LRRTM3: variants seen among roughly 807,000 people sequenced by gnomAD.
LRRTM3 encodes leucine-rich repeat transmembrane neuronal protein 3.
LRRTM3 carries 24 observed loss-of-function variants against 44.7 expected under a neutral mutation model. That is an observed-to-expected ratio of 0.54 (90% confidence interval 0.39 to 0.76). LRRTM3 has a LOEUF of 0.76. Ranked by LOEUF, LRRTM3 falls within the 30% of genes least tolerant of loss-of-function variation. The pLI is 0.00. For missense variants in LRRTM3, 587 were observed against 702.2 expected, an observed-to-expected ratio of 0.84 and a Z score of 1.85; for synonymous variants, 277 against 278.7, an observed-to-expected ratio of 0.99 and a Z score of 0.06.
At chr10:66,981,444 A>C (rs1368235204) in intron 2 of LRRTM3, among the ~76,000 whole-genome samples, 1 of 152,118 alleles carries the variant, frequency 6.6e-6, no homozygotes, top group Admixed American at 6.6e-5. Flanking sequence ...CATATGACTT[A>C]CCCATCCCCA....
intron 2 of LRRTM3, among the ~76,000 whole-genome samples, chr10:66,960,073 A>AT (rs942779611): frequency 2.6e-5 from 4 of 151,540 alleles, no homozygotes; most frequent in Non-Finnish European, 2.9e-5. Context: ...GCTATTTGAA[A>AT]TTTTTTTTTC....
intron 2 of LRRTM3, among the ~76,000 whole-genome samples, chr10:67,069,095 A>G (rs886456673): frequency 1.3e-5 from 2 of 152,028 alleles, no homozygotes; most frequent in African/African-American, 4.8e-5. Flanking sequence ...AAACAGAAAA[A>G]GAAAAAGAAG....
intron 2 of LRRTM3, among the ~76,000 whole-genome samples, chr10:67,030,528 G>A (rs1289746237): frequency 6.6e-6 from 1 of 151,662 alleles, no homozygotes; most frequent in Non-Finnish European, 1.5e-5. Context: ...ATACTGAAGT[G>A]CCCCAAAGGA....
chr10:66,932,099 C>T (rs1564775843), intron 2 of LRRTM3, among the ~76,000 whole-genome samples: 1 of 152,132 alleles, frequency 6.6e-6, no homozygotes, highest in South Asian at 2.1e-4. Flanking sequence ...TGCCTCAGCG[C>T]TTTCTCCCTC....
chr10:67,024,704 G>C (rs1003617595), intron 2 of LRRTM3, among the ~76,000 whole-genome samples: 8 of 152,142 alleles, frequency 5.3e-5, no homozygotes, highest in African/African-American at 7.2e-5. Flanking sequence ...TTAATGCTCA[G>C]ATATTGGTAA....
intron 2 of LRRTM3, among the ~76,000 whole-genome samples, chr10:67,026,872 T>A (rs892319157): frequency 6.6e-6 from 1 of 152,332 alleles, no homozygotes; most frequent in East Asian, 1.9e-4. Context: ...TTTCCTCATA[T>A]ATCTCCTTAA....
chr10:66,952,820 T>C (rs1228291950), intron 2 of LRRTM3, among the ~76,000 whole-genome samples: 1 of 151,942 alleles, frequency 6.6e-6, no homozygotes, highest in Non-Finnish European at 1.5e-5. Flanking sequence ...GCTTGTAATT[T>C]ATTATATAAT....
intron 2 of LRRTM3, among the ~76,000 whole-genome samples, chr10:66,969,582 C>G (rs936990119): frequency 6.6e-6 from 1 of 152,094 alleles, no homozygotes; most frequent in East Asian, 1.9e-4. Flanking sequence ...CATAACACCA[C>G]ACTGTTTTCA....
chr10:67,005,416 T>C (rs146358432), intron 2 of LRRTM3, among the ~76,000 whole-genome samples: 244 of 152,234 alleles, frequency 1.6e-3, no homozygotes, highest in African/African-American at 5.6e-3. Context: ...TTTCCTTCAT[T>C]GTATTTCCTA....
At chr10:66,939,044 C>A (rs540890609) in intron 2 of LRRTM3, among the ~76,000 whole-genome samples, 4 of 152,232 alleles carry the variant, frequency 2.6e-5, no homozygotes, top group African/African-American at 9.6e-5. Flanking sequence ...TCCTCTCTTA[C>A]CCACACCAAG....
At chr10:66,964,941 G>A (rs1747518175) in intron 2 of LRRTM3, among the ~76,000 whole-genome samples, 1 of 152,078 alleles carries the variant, frequency 6.6e-6, no homozygotes. Context: ...GTTACATTTT[G>A]GAATAATAGA....
At chr10:67,045,837 C>G (rs1270874108) in intron 2 of LRRTM3, among the ~76,000 whole-genome samples, 1 of 152,164 alleles carries the variant, frequency 6.6e-6, no homozygotes, top group African/African-American at 2.4e-5. Context: ...GTGAAGCCTT[C>G]CTGACTCCTA....
At position 67,097,744 on chromosome 10, in the gene LRRTM3, G is replaced by A. The variant is rs768125734; in HGVS notation, c.1694G>A (p.Ser565Asn). 3 of 1,612,444 alleles carry A rather than the reference G, an allele frequency of 1.9e-6. No homozygotes were observed. The highest frequency in any genetic ancestry group is 2.7e-5 in the African/African-American group (2 of 74,760). Reference sequence around the variant, plus strand: ...CACCTAGAGACTGAGCTGGACCTGAGCACAATCACAACAGCTGGCCGAATC... The same window carrying A: ...CACCTAGAGACTGAGCTGGACCTGAACACAATCACAACAGCTGGCCGAATC... Reference protein sequence around the residue: ...ETHLETELDLSTITTAGRISD... With the variant: ...ETHLETELDLNTITTAGRISD... The change falls in exon 3 of 3, where the codon AGC (serine) becomes AAC (asparagine). Residue 565 changes from serine to asparagine, a missense_variant. By Grantham distance (46) the Ser-to-Asn change is conservative. Around this residue, in one of 3 missense-constraint regions of LRRTM3, gnomAD observed 315 missense variants for 335.6 expected, o/e 0.94. Transcript: ENST00000361320.
chr10:66,983,996 C>A (rs951240950), intron 2 of LRRTM3, among the ~76,000 whole-genome samples: 1 of 152,022 alleles, frequency 6.6e-6, no homozygotes, highest in Non-Finnish European at 1.5e-5. Context: ...TGATGATAAT[C>A]GAGGCTTAGG....
chr10:67,028,436 C>G (rs1263571382), intron 2 of LRRTM3, among the ~76,000 whole-genome samples: 1 of 151,586 alleles, frequency 6.6e-6, no homozygotes, highest in Non-Finnish European at 1.5e-5. Flanking sequence ...GTTTGACAAT[C>G]AGTCTTTATT....
intron 2 of LRRTM3, among the ~76,000 whole-genome samples, chr10:67,071,731 C>T (rs1367875652): frequency 6.6e-6 from 1 of 152,114 alleles, no homozygotes; most frequent in Non-Finnish European, 1.5e-5. Flanking sequence ...TCCTTTGGGA[C>T]TTCATTTTTA....
intron 2 of LRRTM3, among the ~76,000 whole-genome samples, chr10:67,069,116 A>G (rs1437861641): frequency 6.6e-6 from 1 of 151,984 alleles, no homozygotes; most frequent in Non-Finnish European, 1.5e-5. Flanking sequence ...AAGACAAAAG[A>G]AGTGGCATGA....
intron 2 of LRRTM3, among the ~76,000 whole-genome samples, chr10:67,092,765 T>G (rs753480427): frequency 2.0e-5 from 3 of 151,990 alleles, no homozygotes; most frequent in Non-Finnish European, 2.9e-5. Flanking sequence ...TACATAGCAT[T>G]GATGTTGATA....
chr10:67,015,958 AT>A (rs935522236), intron 2 of LRRTM3, among the ~76,000 whole-genome samples: 19 of 149,552 alleles, frequency 1.3e-4, no homozygotes, highest in Admixed American at 2.0e-4. Context: ...TATTTCTGTC[AT>A]TTTTTTCATT....
Sources: gnomAD v4.1 joint callset for allele counts (sites outside exome capture counted in the v4.1 genomes callset) on GRCh38, gnomAD v4.1.1 for gene constraint, gnomAD v4.1.1 regional missense constraint, MANE v1.5 for transcripts, NCBI Gene and HGNC (gene_info 2026-07-23, HGNC 2026-07-21) for gene names.